Variants in STK24 observed in about 807,000 individuals in gnomAD.
STK24 encodes the protein serine/threonine-protein kinase 24.
STK24 carries 21 observed loss-of-function variants against 55.6 expected under a neutral mutation model. The ratio of observed to expected loss-of-function variants is 0.38; its 90% CI spans 0.27 to 0.54. The LOEUF (loss-of-function observed/expected upper bound fraction) is 0.54, where lower values mean the gene tolerates loss of function less well. STK24 is among the 20% of genes least tolerant of loss of function. The pLI, the probability that STK24 is intolerant of heterozygous loss-of-function variation, is 0.79. For synonymous variants in STK24, 200 were observed against 215.2 expected (o/e 0.93, Z 0.62); for missense variants, 383 against 538.4 (o/e 0.71, Z 2.86).
At chr13:98,519,496 A>G in intron 1 of STK24, 23 bp from the exon 2 acceptor site, 1 of 1,601,038 alleles carries the variant, frequency 6.2e-7, no homozygotes, top group South Asian at 1.1e-5. Flanking sequence ...GGAAGAGAAA[A>G]GGGAAACTTT....
At chr13:98,459,526 G>A (rs1893611153) in intron 9 of STK24, among the ~76,000 whole-genome samples, 1 of 152,250 alleles carries the variant, frequency 6.6e-6, no homozygotes, top group Non-Finnish European at 1.5e-5. Flanking sequence ...ACCGTGGCTG[G>A]CCAGGCACGG....
intron 1 of STK24, among the ~76,000 whole-genome samples, chr13:98,546,294 G>A (rs535339328): frequency 2.0e-5 from 3 of 151,488 alleles, no homozygotes; most frequent in Non-Finnish European, 3.0e-5. Context: ...CTGGTGAGCA[G>A]TTCAGGCAGA....
At chr13:98,562,236 C>T (rs1236627771) in intron 1 of STK24, among the ~76,000 whole-genome samples, 2 of 152,146 alleles carry the variant, frequency 1.3e-5, no homozygotes, top group African/African-American at 4.8e-5. Flanking sequence ...ATTCTAGATG[C>T]TTTTGCTTTA....
intron 2 of STK24, among the ~76,000 whole-genome samples, chr13:98,493,244 G>A (rs1270627142): frequency 6.6e-6 from 1 of 152,170 alleles, no homozygotes; most frequent in African/African-American, 2.4e-5. Context: ...GTGTGCTCGC[G>A]TCCAATATGT....
intron 1 of STK24, among the ~76,000 whole-genome samples, chr13:98,528,610 G>A (rs1274792053): frequency 6.6e-6 from 1 of 152,110 alleles, no homozygotes; most frequent in Non-Finnish European, 1.5e-5. Flanking sequence ...CTTTAAAATT[G>A]TTCTATGATG....
At position 98,456,643 on chromosome 13, in the gene STK24, C is replaced by T; in HGVS notation, c.1259+525G>A. On this transcript the variant is annotated intron_variant, in intron 10 of 10. Coordinates refer to ENST00000539966, the MANE Select transcript of STK24 (RefSeq NM_001032296.4). ...CCCATAGTGCATTCAACAGGTGGGGCCACTGGGCAGGGACAAAAGCTCCCT... is the reference window on the plus strand; with the variant it reads ...CCCATAGTGCATTCAACAGGTGGGGTCACTGGGCAGGGACAAAAGCTCCCT... 1.4e-5 allele frequency: 6 copies of T among 443,722 alleles called. No homozygotes were observed. In the Middle Eastern group the frequency reaches 1.7e-3, roughly 126 times the overall value. 27.5% of individuals were successfully genotyped at this position (443,722 alleles called of 1,614,324 possible).
At chr13:98,467,056 T>G (rs1339800525) in intron 5 of STK24, among the ~76,000 whole-genome samples, 1 of 152,202 alleles carries the variant, frequency 6.6e-6, no homozygotes, top group Non-Finnish European at 1.5e-5. Flanking sequence ...CTGAGCCCTG[T>G]TTCTCTCATC....
intron 5 of STK24, among the ~76,000 whole-genome samples, chr13:98,472,114 G>C (rs1210646700): frequency 1.3e-5 from 2 of 152,124 alleles, no homozygotes; most frequent in Admixed American, 6.5e-5. Context: ...CCCTTATCAG[G>C]CCCTGCTTGC....
chr13:98,529,763 G>C (rs1298684758), intron 1 of STK24, among the ~76,000 whole-genome samples: 1 of 152,072 alleles, frequency 6.6e-6, no homozygotes, highest in Non-Finnish European at 1.5e-5. Flanking sequence ...CTAACACGAG[G>C]CTTCCAGAAC....
chr13:98,538,671 C>G (rs903973390), intron 1 of STK24, among the ~76,000 whole-genome samples: 1 of 152,146 alleles, frequency 6.6e-6, no homozygotes, highest in African/African-American at 2.4e-5. Context: ...CTGGTACACA[C>G]ATACACATTC....
At chr13:98,543,007 G>A (rs12855086) in intron 1 of STK24, 1 of 984,830 alleles carries the variant, frequency 1.0e-6, no homozygotes, top group South Asian at 4.7e-5. Flanking sequence ...GCCAGCTAGC[G>A]TGGACCTGGA....
chr13:98,475,304 G>A lies in STK24; in HGVS notation c.385C>T (p.Leu129=). The part of the protein sequence containing the change: ...TQIATILREI[L]KGLDYLHSEK... ...GAATGGAGATAATCGAGTCCTTTCA[G>A]TATTTCTCTTAATATAGTAGCGATC... is the stretch of plus-strand genomic sequence containing the variant. The change falls in exon 4 of 11, where the codon CTG becomes TTG. Residue 129 remains leucine, a synonymous_variant. Transcript: ENST00000539966. 6.2e-7 allele frequency: 1 copy of A among 1,613,938 alleles called. No individual in the cohort carries two copies. Among genetic ancestry groups the A allele is most frequent in the Non-Finnish European group, 8.5e-7 (1 of 1,179,896 alleles).
At chr13:98,475,164 G>C (rs1421522806) in intron 4 of STK24, 86 bp downstream of exon 4, 1 of 1,406,316 alleles carries the variant, frequency 7.1e-7, no homozygotes, top group African/African-American at 1.4e-5. Context: ...ACAAATGGGC[G>C]CCAGCACCTT....
chr13:98,452,898 A>C lies in STK24; in HGVS notation c.*275T>G, dbSNP rs1257157508. On this transcript the variant is annotated 3_prime_UTR_variant, in exon 11 of 11. Transcript: ENST00000539966. Reference sequence around the variant, plus strand: ...TTGTTTTTAAAGACACTTTCCTGGAATATGTGCACTATGGTTAAAATTAAA... The same window carrying C: ...TTGTTTTTAAAGACACTTTCCTGGACTATGTGCACTATGGTTAAAATTAAA... The C allele has an allele frequency of 2.1e-5, 7 of 338,078 alleles. No homozygotes were observed. Among genetic ancestry groups the C allele is most frequent in the Non-Finnish European group, 3.7e-5 (7 of 187,888 alleles). 20.9% of individuals were successfully genotyped at this position (338,078 alleles called of 1,614,324 possible).
In STK24 at chr13:98,567,947, G is replaced by A. The variant is rs558594256; in HGVS notation, c.42+8798C>T. On this transcript the variant is annotated intron_variant, in intron 1 of 10. Transcript: ENST00000539966. ...GGTAGTGGTTTAAAAAAAAAAAGGG[G>A]GGGGGTGGGGAGTAGAGGAAGACAA... Among the ~76,000 whole-genome samples the A allele has an allele frequency of 9.3e-5, 14 of 149,996 alleles. No individual in the cohort carries two copies. In the South Asian group the frequency reaches 2.5e-3, roughly 27 times the overall value.
chr13:98,464,464 G>T (rs1244736073), intron 6 of STK24, among the ~76,000 whole-genome samples: 1 of 149,218 alleles, frequency 6.7e-6, no homozygotes, highest in Admixed American at 6.7e-5. Flanking sequence ...TATGACAAAT[G>T]CTGACAAAAT....
At chr13:98,576,598 G>A in intron 1 of STK24, 147 bp downstream of exon 1, 3 of 565,226 alleles carry the variant, frequency 5.3e-6, no homozygotes, top group Non-Finnish European at 8.1e-6. Context: ...ACTCGGACTC[G>A]GACCCCCGGC....
intron 9 of STK24, among the ~76,000 whole-genome samples, chr13:98,457,999 C>G (rs1213313121): frequency 6.6e-6 from 1 of 152,216 alleles, no homozygotes; most frequent in East Asian, 1.9e-4. Context: ...CTAAGTTATT[C>G]TGATCTCAAC....
At chr13:98,520,801 G>A (rs538018480) in intron 1 of STK24, among the ~76,000 whole-genome samples, 5 of 152,316 alleles carry the variant, frequency 3.3e-5, no homozygotes, top group East Asian at 3.9e-4. Context: ...GTGCTACAGC[G>A]TGTCCACCAT....
Sources: gnomAD v4.1 joint callset for allele counts (sites outside exome capture counted in the v4.1 genomes callset) on GRCh38, gnomAD v4.1.1 for gene constraint, MANE v1.5 for transcripts, NCBI Gene and HGNC (gene_info 2026-07-23, HGNC 2026-07-21) for gene names.